Variants in TTC39C observed in about 807,000 individuals in gnomAD.
The protein encoded by TTC39C is tetratricopeptide repeat protein 39C.
TTC39C carries 33 observed loss-of-function variants against 76.3 expected under a neutral mutation model. The ratio of observed to expected loss-of-function variants is 0.43; its 90% CI spans 0.33 to 0.58. The LOEUF is 0.58. Ranked by LOEUF, TTC39C falls within the 20% of genes least tolerant of loss-of-function variation. The probability of loss-of-function intolerance (pLI) is 0.04; values close to 1 mark genes in which losing one functional copy is unlikely to be tolerated. For synonymous variants in TTC39C, 254 were observed against 260.6 expected, an observed-to-expected ratio of 0.97 and a Z score of 0.24; for missense variants, 595 against 701.4, an observed-to-expected ratio of 0.85 and a Z score of 1.71.
intron 1 of TTC39C, among the ~76,000 whole-genome samples, chr18:24,027,100 T>C (rs1325232776): frequency 6.6e-6 from 1 of 152,114 alleles, no homozygotes; most frequent in Non-Finnish European, 1.5e-5. Context: ...GAGACCAGCC[T>C]GGCCAACATG....
intron 1 of TTC39C, among the ~76,000 whole-genome samples, chr18:24,027,160 TGG>T: frequency 6.6e-6 from 1 of 151,860 alleles, no homozygotes; most frequent in Non-Finnish European, 1.5e-5. Flanking sequence ...AGCGTGGTGG[TGG>T]GTGCCTGTAG....
Position 24,083,657 on chromosome 18 carries a change from G to A in TTC39C, c.984+576G>A, listed in dbSNP as rs374700472. Among the ~76,000 whole-genome samples the A allele has an allele frequency of 1.3e-4, 20 of 152,280 alleles. No homozygotes were observed. In the East Asian group the frequency reaches 2.5e-3, roughly 19 times the overall value. On this transcript the variant is annotated intron_variant, in intron 6 of 13. Transcript: ENST00000317571. ...CTGCATGTTATAGAAAAAATAAACA[G>A]GGATCTAAGAGGGCTTCAAGCAACT...
chr18:24,056,809 A>G (rs1488287544), intron 1 of TTC39C, among the ~76,000 whole-genome samples: 1 of 152,118 alleles, frequency 6.6e-6, no homozygotes, highest in East Asian at 1.9e-4. Context: ...AAGGATTCCA[A>G]AAGACACCTT....
At chr18:24,118,058 G>A (rs1465113915) in intron 7 of TTC39C, 67 bp from the exon 8 acceptor site, 27 of 1,264,620 alleles carry the variant, frequency 2.1e-5, no homozygotes, top group East Asian at 1.0e-4. Context: ...TCAGAGGCTC[G>A]TGGCTTAAAT....
At chr18:24,073,720 A>G (rs2084269693) in intron 4 of TTC39C, among the ~76,000 whole-genome samples, 2 of 152,040 alleles carry the variant, frequency 1.3e-5, no homozygotes, top group African/African-American at 4.8e-5. Context: ...GGGTCTCACT[A>G]TGCTGCCCAG....
At chr18:24,065,256 G>A (rs2084152141) in intron 2 of TTC39C, among the ~76,000 whole-genome samples, 2 of 152,204 alleles carry the variant, frequency 1.3e-5, no homozygotes, top group Non-Finnish European at 2.9e-5. Context: ...AGATGGAGCT[G>A]GTGGAATTTG....
intron 1 of TTC39C, among the ~76,000 whole-genome samples, chr18:24,006,076 G>A (rs1282503901): frequency 4.6e-5 from 7 of 150,730 alleles, no homozygotes; most frequent in African/African-American, 1.5e-4. Flanking sequence ...ACAGTGGCAC[G>A]ATCATGGCTC....
intron 6 of TTC39C, among the ~76,000 whole-genome samples, chr18:24,112,188 C>T (rs142473132): frequency 6.6e-6 from 1 of 152,316 alleles, no homozygotes; most frequent in Non-Finnish European, 1.5e-5. Context: ...CAGGCTCTGC[C>T]TCCATGGTTG....
intron 1 of TTC39C, among the ~76,000 whole-genome samples, chr18:24,003,770 C>T (rs759032087): frequency 4.6e-5 from 7 of 152,098 alleles, no homozygotes; most frequent in Non-Finnish European, 8.8e-5. Flanking sequence ...TCTTAAGAGA[C>T]AAGGTCTCAC....
chr18:24,034,930 G>A (rs1421413281), intron 1 of TTC39C, among the ~76,000 whole-genome samples: 1 of 152,190 alleles, frequency 6.6e-6, no homozygotes, highest in Admixed American at 6.5e-5. Context: ...CAATGCTTCT[G>A]TGAACATGGA....
Position 24,080,950 on chromosome 18 carries a change from G to C in TTC39C, c.815+11G>C. On this transcript the variant is annotated intron_variant, in intron 5 of 13. Transcript: ENST00000317571. ...GGCCCCTTTAGCTACGTGAGTAGCT[G>C]TATTGCAATGCTTTGGTAGATAATA... 1.3e-6 allele frequency: 2 copies of C among 1,574,960 alleles called. No individual in the cohort carries two copies. Among genetic ancestry groups the C allele is most frequent in the Non-Finnish European group, 1.7e-6 (2 of 1,150,858 alleles).
At chr18:24,005,397 AT>A (rs1264019284) in intron 1 of TTC39C, among the ~76,000 whole-genome samples, 1 of 151,908 alleles carries the variant, frequency 6.6e-6, no homozygotes, top group Admixed American at 6.6e-5. Flanking sequence ...ATAATAAAAT[AT>A]TTTTTTTGCC....
intron 1 of TTC39C, among the ~76,000 whole-genome samples, chr18:24,003,283 C>G (rs116664160): frequency 1.3e-5 from 2 of 152,196 alleles, no homozygotes; most frequent in Non-Finnish European, 2.9e-5. Flanking sequence ...CTTCCATGAA[C>G]CCCCAGCTGG....
chr18:24,019,923 A>C, intron 1 of TTC39C: 3 of 1,520,444 alleles, frequency 2.0e-6, no homozygotes, highest in Non-Finnish European at 2.6e-6. Flanking sequence ...GGCGCTTGTA[A>C]GAGATGTTGA....
intron 1 of TTC39C, among the ~76,000 whole-genome samples, chr18:24,035,137 C>G (rs1447694471): frequency 6.6e-6 from 1 of 151,946 alleles, no homozygotes. Flanking sequence ...AACTTGTTGG[C>G]TCAAGTGATC....
intron 1 of TTC39C, among the ~76,000 whole-genome samples, chr18:24,048,344 T>G (rs1377010401): frequency 6.6e-6 from 1 of 152,220 alleles, no homozygotes; most frequent in African/African-American, 2.4e-5. Context: ...CATAAGCAGT[T>G]AAGGACTCGT....
At chr18:24,089,540 T>C (rs1197736572) in intron 6 of TTC39C, among the ~76,000 whole-genome samples, 2 of 152,222 alleles carry the variant, frequency 1.3e-5, no homozygotes, top group African/African-American at 4.8e-5. Flanking sequence ...TCCAGTGAGA[T>C]AAATCCATAT....
At chr18:24,001,832 T>G (rs866210088) in intron 1 of TTC39C, among the ~76,000 whole-genome samples, 1 of 134,356 alleles carries the variant, frequency 7.4e-6, no homozygotes, top group Non-Finnish European at 1.5e-5. Context: ...TGTTTTTTTT[T>G]TTTTTTTTTT....
chr18:24,056,647 G>A (rs1385816648), intron 1 of TTC39C, among the ~76,000 whole-genome samples: 6 of 152,048 alleles, frequency 3.9e-5, no homozygotes, highest in African/African-American at 9.7e-5. Flanking sequence ...CAATGTTGGC[G>A]AATATCAGAA....
Sources: allele counts gnomAD v4.1 joint callset (sites outside exome capture counted in the v4.1 genomes callset), GRCh38; gene constraint gnomAD v4.1.1; transcripts MANE v1.5; gene names NCBI Gene and HGNC (gene_info 2026-07-23, HGNC 2026-07-21).